SLFN5: variants seen among roughly 807,000 people sequenced by gnomAD.
SLFN5 encodes the protein schlafen family member 5.
In SLFN5, 34 loss-of-function variants were observed where a neutral mutation model predicts 48.5. That is an observed-to-expected ratio of 0.70 (90% CI 0.53 to 0.93). The LOEUF is 0.93. Ranked by LOEUF, SLFN5 falls within the 40% of genes least tolerant of loss-of-function variation. SLFN5 has a pLI of 0.00. For synonymous variants in SLFN5, 387 were observed against 396.2 expected, an observed-to-expected ratio of 0.98 and a Z score of 0.28; for missense variants, 1,006 against 1,071.3, an observed-to-expected ratio of 0.94 and a Z score of 0.85.
intron 1 of SLFN5, among the ~76,000 whole-genome samples, chr17:35,255,107 C>T (rs2092451359): frequency 6.6e-6 from 1 of 152,116 alleles, no homozygotes; most frequent in African/African-American, 2.4e-5. Context: ...GAAGGAGGTA[C>T]AGACATCTTT....
At chr17:35,247,239 A>G (rs1451216173) in intron 1 of SLFN5, among the ~76,000 whole-genome samples, 5 of 152,170 alleles carry the variant, frequency 3.3e-5, no homozygotes, top group Admixed American at 3.3e-4. Flanking sequence ...CCCTACGACA[A>G]CACCCTTGAA....
Position 35,272,558 on chromosome 17 carries a change from A to G in SLFN5, c.*6670A>G, listed in dbSNP as rs1214153048. The G allele has an allele frequency of 6.6e-6, 1 of 152,230 alleles. No individual in the cohort carries two copies. The highest frequency in any genetic ancestry group is 1.5e-5 in the Non-Finnish European group (1 of 68,032). The allele number at this position is 152,230 out of a possible 1,614,324, so 9.4% of individuals were successfully genotyped here. A position where few individuals can be genotyped will look rare whatever the true frequency, so the allele number is the denominator to read the frequency against. On this transcript the variant is annotated 3_prime_UTR_variant, in exon 5 of 5. Coordinates refer to ENST00000299977, the MANE Select transcript of SLFN5 (RefSeq NM_144975.4). ...AATATTGACTATTTTAAACAAAATT[A>G]TCTCTGTACCAAAAACAGCATAAAA...
Position 35,266,452 on chromosome 17 carries a change from T to C in SLFN5, c.*564T>C, listed in dbSNP as rs1904700993. 6.6e-6 allele frequency: 1 copy of C among 152,250 alleles called. No individual in the cohort carries two copies. The highest frequency in any genetic ancestry group is 1.5e-5 in the Non-Finnish European group (1 of 68,100). 9.4% of individuals were successfully genotyped at this position (152,250 alleles called of 1,614,324 possible). On this transcript the variant is annotated 3_prime_UTR_variant, in exon 5 of 5. Coordinates refer to ENST00000299977, the MANE Select transcript of SLFN5 (RefSeq NM_144975.4). ...TTTTGAAATGTAAGATCACAGACTG[T>C]TTTTTGCAAGACCACATTATATTAC...
rs775261147 is a variant in SLFN5 at position 35,265,154 on chromosome 17, A to G, written c.1942A>G (p.Ile648Val). ...NNFEHIQHIIIDDAQNFRTED... is the reference protein window; with the variant it reads ...NNFEHIQHIIVDDAQNFRTED... ...CTTTGAACACATCCAGCACATTATC[A>G]TTGATGACGCTCAGAATTTCCGTAC... Residue 648 changes from isoleucine to valine, a missense_variant, in exon 5 of 5, where the codon ATT (isoleucine) becomes GTT (valine). Physicochemically the swap from Ile to Val is conservative, Grantham distance 29. Coordinates refer to ENST00000299977, the MANE Select transcript of SLFN5 (RefSeq NM_144975.4). The G allele has an allele frequency of 1.2e-6, 2 of 1,614,196 alleles. No homozygotes were observed. The highest frequency in any genetic ancestry group is 2.2e-5 in the South Asian group (2 of 91,086).
In SLFN5 at chr17:35,273,080, G is replaced by T. The variant is rs1346991734; in HGVS notation, c.*7192G>T. On this transcript the variant is annotated 3_prime_UTR_variant, in exon 5 of 5. Coordinates refer to ENST00000299977, the MANE Select transcript of SLFN5 (RefSeq NM_144975.4). Reference sequence around the variant, plus strand: ...AAATATATACCCAAAAGGGTCTAATGGATTAGTTTTTGGCATATCAGCACA... The same window carrying T: ...AAATATATACCCAAAAGGGTCTAATTGATTAGTTTTTGGCATATCAGCACA... 6.6e-6 allele frequency: 1 copy of T among 152,132 alleles called. No homozygotes were observed. The highest frequency in any genetic ancestry group is 1.5e-5 in the Non-Finnish European group (1 of 68,030). The allele number at this position is 152,132 out of a possible 1,614,324, so 9.4% of individuals were successfully genotyped here.
At chr17:35,259,772 G>C (rs1904468837) in intron 2 of SLFN5, 70 bp downstream of exon 2, 2 of 1,525,616 alleles carry the variant, frequency 1.3e-6, no homozygotes, top group Admixed American at 3.7e-5. Context: ...AGAGAGGAAA[G>C]AGGGATATGG....
Position 35,265,425 on chromosome 17 carries a change from C to G in SLFN5, c.2213C>G (p.Pro738Arg), listed in dbSNP as rs779921381. Reference sequence around the variant, plus strand: ...CGACAAAATCCTCCACCTAACCTCCCCCCTGGGTCCCTGGTGATGCTCTAT... The same window carrying G: ...CGACAAAATCCTCCACCTAACCTCCGCCCTGGGTCCCTGGTGATGCTCTAT... ...EARQNPPPNL[P>R]PGSLVMLYEP... The change falls in exon 5 of 5, where the codon CCC (proline) becomes CGC (arginine). Residue 738 changes from proline (P) to arginine (R), a missense_variant. Pro to Arg is a moderately radical substitution (Grantham distance 103, BLOSUM62 -2). Coordinates refer to ENST00000299977, the MANE Select transcript of SLFN5 (RefSeq NM_144975.4). 6.2e-7 allele frequency: 1 copy of G among 1,614,220 alleles called. No homozygotes were observed. The highest frequency in any genetic ancestry group is 8.5e-7 in the Non-Finnish European group (1 of 1,180,048).
rs758029222 is a variant in SLFN5, at chr17:35,264,916, T to C, written c.1859+13T>C. 3.2e-6 allele frequency: 5 copies of C among 1,545,266 alleles called. No homozygotes were observed. Among genetic ancestry groups the C allele is most frequent in the East Asian group, 2.2e-5 (1 of 44,660 alleles). On this transcript the variant is annotated intron_variant, in intron 4 of 4. Coordinates refer to ENST00000299977, the MANE Select transcript of SLFN5 (RefSeq NM_144975.4). ...AGAAGTTGGTGAGGTATGCTGCTTG[T>C]CTGTGTTCACTTTATTTTCTTGAGT... is the stretch of plus-strand genomic sequence containing the variant.
intron 1 of SLFN5, among the ~76,000 whole-genome samples, chr17:35,246,559 T>A (rs1164207936): frequency 6.6e-6 from 1 of 152,108 alleles, no homozygotes; most frequent in Non-Finnish European, 1.5e-5. Context: ...TTAAAAAAAT[T>A]TATTGTGCAT....
Position 35,268,531 on chromosome 17 carries a change from A to G in SLFN5, c.*2643A>G, listed in dbSNP as rs1052501657. The G allele has an allele frequency of 1.3e-5, 2 of 152,294 alleles. No individual in the cohort carries two copies. The highest frequency in any genetic ancestry group is 4.8e-5 in the African/African-American group (2 of 41,440). The allele number at this position is 152,294 out of a possible 1,614,324, so 9.4% of individuals were successfully genotyped here. On this transcript the variant is annotated 3_prime_UTR_variant, in exon 5 of 5. Coordinates refer to ENST00000299977, the MANE Select transcript of SLFN5 (RefSeq NM_144975.4). ...CAGGAGTTCAAGTCCAGCCTGGCCA[A>G]CGTGGTGAAATCCTGTCTCTACTAA...
intron 3 of SLFN5, among the ~76,000 whole-genome samples, chr17:35,263,958 C>T (rs1597654906): frequency 6.6e-6 from 1 of 152,188 alleles, no homozygotes; most frequent in African/African-American, 2.4e-5. Flanking sequence ...TTCTGTCCTT[C>T]TCTCTAGTTG....
chr17:35,258,393 G>A lies in SLFN5; in HGVS notation c.-40-258G>A, dbSNP rs28412873. Among the ~76,000 whole-genome samples, 822 of 152,262 alleles carry A rather than the reference G, an allele frequency of 5.4e-3. 7 individuals are homozygous for A. Among genetic ancestry groups the A allele is most frequent in the African/African-American group, 0.019 (790 of 41,550 alleles). On this transcript the variant is annotated intron_variant, in intron 1 of 4. Coordinates refer to ENST00000299977, the MANE Select transcript of SLFN5 (RefSeq NM_144975.4). ...ACCCTTTATGAAACCATCAGACCTC[G>A]TGAGACTTATTCACTACCATGAGAA...
chr17:35,260,870 G>A (rs1567791449), intron 2 of SLFN5, 101 bp from the exon 3 acceptor site: 1 of 1,433,884 alleles, frequency 7.0e-7, no homozygotes, highest in East Asian at 2.4e-5. Context: ...GTGGGCCGTG[G>A]CTTGAGTTGT....
intron 3 of SLFN5, among the ~76,000 whole-genome samples, chr17:35,261,675 CT>C (rs200709274): frequency 0.16 from 20,533 of 126,644 alleles, 1,543 homozygotes; most frequent in East Asian, 0.37. Context: ...AGCCACCAGT[CT>C]TTTTTTTTTT....
chr17:35,258,609 ATTC>A, intron 1 of SLFN5, 39 bp from the exon 2 acceptor site: 1 of 1,512,078 alleles, frequency 6.6e-7, no homozygotes, highest in Non-Finnish European at 8.9e-7. Context: ...TGCCTCTCCT[ATTC>A]TTGTCCTGTT....
At chr17:35,247,540 TGATAG>T (rs1335939070) in intron 1 of SLFN5, among the ~76,000 whole-genome samples, 1 of 152,202 alleles carries the variant, frequency 6.6e-6, no homozygotes, top group Non-Finnish European at 1.5e-5. Context: ...GAGTTTGCAC[TGATAG>T]GATAAGTCAG....
chr17:35,261,950 A>C (rs1208401495), intron 3 of SLFN5, among the ~76,000 whole-genome samples: 1 of 151,024 alleles, frequency 6.6e-6, no homozygotes, highest in Non-Finnish European at 1.5e-5. Context: ...AAGTGCTGGG[A>C]TTACAGGCAT....
At chr17:35,262,682 G>A (rs1904555135) in intron 3 of SLFN5, among the ~76,000 whole-genome samples, 1 of 152,072 alleles carries the variant, frequency 6.6e-6, no homozygotes, top group Admixed American at 6.6e-5. Flanking sequence ...AGGCAACATG[G>A]TGAAACTCTG....
At chr17:35,245,690 A>T (rs1027556140) in intron 1 of SLFN5, among the ~76,000 whole-genome samples, 1 of 152,190 alleles carries the variant, frequency 6.6e-6, no homozygotes, top group African/African-American at 2.4e-5. Flanking sequence ...ACGGTTGAGT[A>T]GTCTTCTATT....
Sources: allele counts gnomAD v4.1 joint callset (sites outside exome capture counted in the v4.1 genomes callset), GRCh38; gene constraint gnomAD v4.1.1; transcripts MANE v1.5; gene names NCBI Gene and HGNC (gene_info 2026-07-23, HGNC 2026-07-21).